The following HS6ST3 variants were observed in gnomAD, a reference collection of about 807,000 sequenced individuals.
HS6ST3 encodes heparan-sulfate 6-O-sulfotransferase 3.
Under a neutral mutation model 36.7 loss-of-function variants are expected in HS6ST3, and 12 were observed. The ratio of observed to expected loss-of-function variants is 0.33; its 90% confidence interval spans 0.21 to 0.53. The LOEUF (loss-of-function observed/expected upper bound fraction) is 0.53. Among genes scored for constraint, HS6ST3 ranks in the 20% least tolerant of loss-of-function variants. The pLI is 0.95. For missense variants in HS6ST3, 584 were observed against 640.9 expected (o/e 0.91, Z 0.96); for synonymous variants, 240 against 257.5 (o/e 0.93, Z 0.65).
At chr13:96,471,548 C>T (rs961347523) in intron 1 of HS6ST3, among the ~76,000 whole-genome samples, 1 of 152,134 alleles carries the variant, frequency 6.6e-6, no homozygotes, top group Non-Finnish European at 1.5e-5. Flanking sequence ...AATGATTGAG[C>T]AGCTGTCTTC....
At chr13:96,685,095 G>A (rs1275832331) in intron 1 of HS6ST3, among the ~76,000 whole-genome samples, 2 of 152,020 alleles carry the variant, frequency 1.3e-5, no homozygotes, top group Admixed American at 1.3e-4. Context: ...GGCAGGGCCT[G>A]GTTCTCTTAA....
intron 1 of HS6ST3, among the ~76,000 whole-genome samples, chr13:96,375,011 T>C (rs1450647553): frequency 2.0e-5 from 3 of 152,010 alleles, no homozygotes; most frequent in Non-Finnish European, 4.4e-5. Context: ...TGTTTAACCA[T>C]ATCGTAGGCC....
intron 1 of HS6ST3, among the ~76,000 whole-genome samples, chr13:96,244,137 G>A (rs564438420): frequency 1.1e-4 from 16 of 152,080 alleles, no homozygotes; most frequent in East Asian, 5.8e-4. Context: ...TTACATCACC[G>A]TTACATTTAG....
chr13:96,404,571 A>G (rs982060798), intron 1 of HS6ST3, among the ~76,000 whole-genome samples: 9 of 152,220 alleles, frequency 5.9e-5, no homozygotes, highest in Non-Finnish European at 1.5e-5. Context: ...AATAGAAGAC[A>G]TTTTGTAGAG....
intron 1 of HS6ST3, among the ~76,000 whole-genome samples, chr13:96,651,823 C>T (rs1369886749): frequency 6.6e-6 from 1 of 152,016 alleles, no homozygotes; most frequent in Admixed American, 6.6e-5. Context: ...AACCTTGGCT[C>T]TTTATCCTCA....
intron 1 of HS6ST3, among the ~76,000 whole-genome samples, chr13:96,371,168 A>G (rs1462997093): frequency 9.9e-5 from 15 of 152,160 alleles, no homozygotes; most frequent in Admixed American, 9.2e-4. Context: ...ATTGGGTTAT[A>G]TGTTACTCTA....
chr13:96,171,113 A>G (rs2054185829), intron 1 of HS6ST3, among the ~76,000 whole-genome samples: 1 of 152,256 alleles, frequency 6.6e-6, no homozygotes. Flanking sequence ...ACAAAATCCC[A>G]TAATTTTAGA....
At chr13:96,158,675 A>AAAG (rs2066727009) in intron 1 of HS6ST3, among the ~76,000 whole-genome samples, 2 of 150,206 alleles carry the variant, frequency 1.3e-5, no homozygotes, top group Admixed American at 1.3e-4. Flanking sequence ...AAAAAAAAAA[A>AAAG]TAGAGAAGAA....
chr13:96,202,571 AGCAGCTGCTCTCATTCATCT>A (rs1286933535), intron 1 of HS6ST3, among the ~76,000 whole-genome samples: 1 of 152,136 alleles, frequency 6.6e-6, no homozygotes, highest in Non-Finnish European at 1.5e-5. Context: ...GTTGAATTGG[AGCAGCTGCTCTCATTCATCT>A]GCAGCTGCTC....
In HS6ST3 at chr13:96,184,187, G is replaced by A. The variant is rs182195498; in HGVS notation, c.707+92618G>A. 2.2e-3 allele frequency among the ~76,000 whole-genome samples: 256 copies of A among 114,750 alleles called. 3 individuals carry two copies. The highest frequency in any genetic ancestry group is 8.9e-3 in the African/African-American group (243 of 27,418). The allele number at this position is 114,750 out of a possible 152,430, so 75.3% of individuals were successfully genotyped here. On this transcript the variant is annotated intron_variant, in intron 1 of 1. Coordinates refer to ENST00000376705, the MANE Select transcript of HS6ST3 (RefSeq NM_153456.4). ...CTGCCATCCAGCCTGGCAATAGAGC[G>A]AGACTCTGTCTCCAAAAAAAAAAAA... is the stretch of plus-strand genomic sequence containing the variant.
chr13:96,105,528 G>A (rs1312794905), intron 1 of HS6ST3, among the ~76,000 whole-genome samples: 3 of 152,078 alleles, frequency 2.0e-5, no homozygotes, highest in Non-Finnish European at 4.4e-5. Flanking sequence ...GTGGGTGCCT[G>A]TAGTCCCAGC....
At chr13:96,567,947 T>C (rs1015146096) in intron 1 of HS6ST3, among the ~76,000 whole-genome samples, 1 of 152,142 alleles carries the variant, frequency 6.6e-6, no homozygotes, top group Non-Finnish European at 1.5e-5. Flanking sequence ...ACCCACCAGA[T>C]TGGTGAAAGT....
intron 1 of HS6ST3, among the ~76,000 whole-genome samples, chr13:96,186,882 G>A (rs1285350389): frequency 6.6e-6 from 1 of 152,160 alleles, no homozygotes; most frequent in African/African-American, 2.4e-5. Context: ...TCCTTCAGGT[G>A]CCACCAGTGA....
chr13:96,485,328 A>AT (rs142244942), intron 1 of HS6ST3, among the ~76,000 whole-genome samples: 5 of 151,230 alleles, frequency 3.3e-5, no homozygotes, highest in Middle Eastern at 3.4e-3. Context: ...ATACCAAAAT[A>AT]TTTTTTTTTA....
rs564651761 is a variant in HS6ST3, at chr13:96,453,649, A to G, written c.707+362080A>G. Among the ~76,000 whole-genome samples, 35 of 152,250 alleles carry G rather than the reference A, an allele frequency of 2.3e-4. No individual in the cohort carries two copies. In the South Asian group the frequency reaches 2.7e-3, roughly 12 times the overall value. ...AGCAAAAAACGGGTTCTAGGGTAGA[A>G]TTATTATTGAAGCTACAAGCCATTT... On this transcript the variant is annotated intron_variant, in intron 1 of 1. Transcript: ENST00000376705.
chr13:96,189,414 A>T (rs1188037800), intron 1 of HS6ST3, among the ~76,000 whole-genome samples: 1 of 152,106 alleles, frequency 6.6e-6, no homozygotes, highest in East Asian at 1.9e-4. Flanking sequence ...ACTTGTCACT[A>T]GGTAAGGTAA....
At chr13:96,258,090 A>G (rs925130723) in intron 1 of HS6ST3, among the ~76,000 whole-genome samples, 1 of 152,214 alleles carries the variant, frequency 6.6e-6, no homozygotes, top group African/African-American at 2.4e-5. Context: ...CATCAGTTAA[A>G]TCCAGTGGTC....
At chr13:96,153,418 G>A (rs2054096379) in intron 1 of HS6ST3, among the ~76,000 whole-genome samples, 1 of 152,156 alleles carries the variant, frequency 6.6e-6, no homozygotes, top group Non-Finnish European at 1.5e-5. Flanking sequence ...AGCTGCTGTA[G>A]GGAATGATAC....
At chr13:96,603,175 T>A (rs1026497811) in intron 1 of HS6ST3, among the ~76,000 whole-genome samples, 8 of 152,162 alleles carry the variant, frequency 5.3e-5, no homozygotes, top group African/African-American at 1.9e-4. Flanking sequence ...GCCACCTACC[T>A]ATATTAGGAA....
Sources: gnomAD v4.1 joint callset for allele counts (sites outside exome capture counted in the v4.1 genomes callset) on GRCh38, gnomAD v4.1.1 for gene constraint, MANE v1.5 for transcripts, NCBI Gene and HGNC (gene_info 2026-07-23, HGNC 2026-07-21) for gene names.